PRDM6: variants seen among roughly 807,000 people sequenced by gnomAD.
PRDM6 encodes the protein PR/SET domain 6, also known as putative histone-lysine N-methyltransferase PRDM6.
A neutral mutation model predicts 60.8 loss-of-function variants in PRDM6; 25 were observed. That is an observed-to-expected ratio of 0.41 (90% CI 0.30 to 0.57). The LOEUF is 0.57. Among genes scored for constraint, PRDM6 ranks in the 20% least tolerant of loss-of-function variants. The pLI is 0.27. For missense variants in PRDM6, 839 were observed against 821.3 expected (o/e 1.02, Z -0.26); for synonymous variants, 407 against 357.4 (o/e 1.14, Z -1.57).
intron 3 of PRDM6, among the ~76,000 whole-genome samples, chr5:123,135,386 CCAAAA>C (rs1764931691): frequency 6.6e-6 from 1 of 151,906 alleles, no homozygotes; most frequent in South Asian, 2.1e-4. Flanking sequence ...AGGTTGTTGC[CCAAAA>C]CAAAAATAAA....
chr5:123,127,288 A>G (rs1764715149), intron 3 of PRDM6, among the ~76,000 whole-genome samples: 2 of 152,138 alleles, frequency 1.3e-5, no homozygotes, highest in South Asian at 4.2e-4. Context: ...TCCACCCACC[A>G]TGGCCTCCCA....
At chr5:123,114,264 T>C (rs1391710405) in intron 3 of PRDM6, among the ~76,000 whole-genome samples, 2 of 152,262 alleles carry the variant, frequency 1.3e-5, no homozygotes, top group South Asian at 4.1e-4. Context: ...AGCAACTTCA[T>C]GCAAACTAAT....
intron 3 of PRDM6, among the ~76,000 whole-genome samples, chr5:123,140,477 T>G (rs1428350696): frequency 6.6e-6 from 1 of 152,082 alleles, no homozygotes; most frequent in Non-Finnish European, 1.5e-5. Context: ...AAAGCAAAAA[T>G]GTACAAACTA....
intron 2 of PRDM6, among the ~76,000 whole-genome samples, chr5:123,093,192 T>A (rs893765640): frequency 6.6e-6 from 1 of 152,222 alleles, no homozygotes; most frequent in Non-Finnish European, 1.5e-5. Context: ...TTGCTTCATT[T>A]TGTCACTTCG....
intron 2 of PRDM6, among the ~76,000 whole-genome samples, chr5:123,095,497 C>A (rs1279812475): frequency 1.3e-5 from 2 of 152,246 alleles, no homozygotes; most frequent in African/African-American, 4.8e-5. Flanking sequence ...CCCCAGCCCC[C>A]ACGCCCCTCC....
intron 3 of PRDM6, among the ~76,000 whole-genome samples, chr5:123,133,365 T>C (rs909735386): frequency 6.6e-6 from 1 of 152,110 alleles, no homozygotes; most frequent in Non-Finnish European, 1.5e-5. Context: ...TAGTAATCTT[T>C]TCCTTTTGGA....
At chr5:123,157,985 C>G (rs533289033) in intron 4 of PRDM6, among the ~76,000 whole-genome samples, 1 of 152,320 alleles carries the variant, frequency 6.6e-6, no homozygotes, top group African/African-American at 2.4e-5. Context: ...GGAAAAATCC[C>G]TTTGATGTGC....
At chr5:123,183,626 C>T (rs1285684544) in intron 7 of PRDM6, among the ~76,000 whole-genome samples, 2 of 152,160 alleles carry the variant, frequency 1.3e-5, no homozygotes, top group African/African-American at 4.8e-5. Context: ...TGGAGGATCA[C>T]ATTGAAGGTC....
intron 7 of PRDM6, among the ~76,000 whole-genome samples, chr5:123,182,252 C>T (rs1232215755): frequency 3.3e-5 from 5 of 152,162 alleles, no homozygotes; most frequent in African/African-American, 4.8e-5. Flanking sequence ...GCCTGAGCCC[C>T]GTAGGGTTCC....
intron 4 of PRDM6, among the ~76,000 whole-genome samples, chr5:123,159,109 A>G (rs1765570933): frequency 6.6e-6 from 1 of 152,230 alleles, no homozygotes; most frequent in Non-Finnish European, 1.5e-5. Flanking sequence ...AAGTTGCAAT[A>G]ATACATTTAA....
intron 4 of PRDM6, among the ~76,000 whole-genome samples, chr5:123,156,492 C>G (rs1407096104): frequency 6.6e-6 from 1 of 152,152 alleles, no homozygotes; most frequent in African/African-American, 2.4e-5. Context: ...TTTCCAAAAC[C>G]GTTAGACTTA....
chr5:123,125,194 A>G (rs1329812882), intron 3 of PRDM6, among the ~76,000 whole-genome samples: 1 of 148,954 alleles, frequency 6.7e-6, no homozygotes, highest in East Asian at 1.9e-4. Context: ...CATGAGTGGC[A>G]AAAAAGCCAC....
At chr5:123,161,868 C>A (rs1442713065) in intron 5 of PRDM6, among the ~76,000 whole-genome samples, 1 of 152,148 alleles carries the variant, frequency 6.6e-6, no homozygotes, top group East Asian at 1.9e-4. Context: ...GGAGACTGGA[C>A]AGTAGACTGG....
chr5:123,133,589 A>G (rs1469548971), intron 3 of PRDM6, among the ~76,000 whole-genome samples: 1 of 152,118 alleles, frequency 6.6e-6, no homozygotes, highest in Non-Finnish European at 1.5e-5. Flanking sequence ...TACAAAATCT[A>G]TTAAAATACA....
At chr5:123,101,985 G>A (rs1311721891) in intron 3 of PRDM6, among the ~76,000 whole-genome samples, 1 of 152,198 alleles carries the variant, frequency 6.6e-6, no homozygotes, top group Non-Finnish European at 1.5e-5. Flanking sequence ...TGAGTGTGCT[G>A]GGATGGTTCT....
At chr5:123,132,961 A>T (rs1438842886) in intron 3 of PRDM6, among the ~76,000 whole-genome samples, 2 of 152,098 alleles carry the variant, frequency 1.3e-5, no homozygotes, top group African/African-American at 4.8e-5. Context: ...CTATTCTCTG[A>T]CAAAAAGTAT....
intron 3 of PRDM6, among the ~76,000 whole-genome samples, chr5:123,104,698 A>T (rs1764168996): frequency 6.6e-6 from 1 of 152,216 alleles, no homozygotes; most frequent in African/African-American, 2.4e-5. Context: ...GTTTTAAATT[A>T]TGCAGAGTAA....
chr5:123,148,635 G>A (rs868503896), intron 3 of PRDM6, among the ~76,000 whole-genome samples: 6 of 151,736 alleles, frequency 4.0e-5, no homozygotes, highest in South Asian at 4.2e-4. Context: ...GACACATTGC[G>A]ATAAGCAGAA....
chr5:123,167,206 T>C (rs534394002), intron 5 of PRDM6, among the ~76,000 whole-genome samples: 46 of 151,442 alleles, frequency 3.0e-4, no homozygotes, highest in Non-Finnish European at 5.7e-4. Flanking sequence ...CAATAGAGCA[T>C]TGTAAACTAT....
Sources: gnomAD v4.1 joint callset for allele counts (sites outside exome capture counted in the v4.1 genomes callset) on GRCh38, gnomAD v4.1.1 for gene constraint, MANE v1.5 for transcripts, NCBI Gene and HGNC (gene_info 2026-07-23, HGNC 2026-07-21) for gene names.